Variants in SPEN observed in about 807,000 individuals in gnomAD.
The protein encoded by SPEN is spen family transcriptional repressor.
SPEN carries 18 observed loss-of-function variants against 269.9 expected under a neutral mutation model. That is an observed-to-expected ratio of 0.07 (90% CI 0.05 to 0.10). The LOEUF (loss-of-function observed/expected upper bound fraction) is 0.10. Ranked by LOEUF, SPEN falls within the 10% of genes least tolerant of loss-of-function variation. The probability of loss-of-function intolerance (pLI) is 1.00; values close to 1 mark genes in which losing one functional copy is unlikely to be tolerated. For missense variants in SPEN, 3,822 were observed against 4,631.2 expected, an observed-to-expected ratio of 0.83 and a Z score of 5.07; for synonymous variants, 1,726 against 1,765.7, an observed-to-expected ratio of 0.98 and a Z score of 0.56.
chr1:15,931,670 A>G lies in SPEN; in HGVS notation c.5430A>G (p.Pro1810=), dbSNP rs771512706. 1 of 1,614,224 alleles carries G rather than the reference A, an allele frequency of 6.2e-7. No individual in the cohort carries two copies. The highest frequency in any genetic ancestry group is 1.7e-5 in the Admixed American group (1 of 60,018). The change falls in exon 11 of 15, where the codon CCA becomes CCG. Residue 1810 remains proline (P), a synonymous_variant. Transcript: ENST00000375759. The surrounding 1 kb of genome is among the most constrained non-coding windows in gnomAD (Gnocchi z 4.8). ...CTGAAGATTTAGAGGTTGATCCTCC[A>G]GTTGCTGCAAAGGATAAAAAGCCAA... is the stretch of plus-strand genomic sequence containing the variant. ...PASEDLEVDP[P]VAAKDKKPNK...
chr1:15,910,124 TAAAAAAAAAAAAAAA>T (rs57198076), intron 4 of SPEN, among the ~76,000 whole-genome samples: 7 of 65,688 alleles, frequency 1.1e-4, no homozygotes, highest in African/African-American at 1.7e-4. Flanking sequence ...ACTCTGTCTC[TAAAAAAAAAAAAAAA>T]AAAAAAAAAA....
intron 11 of SPEN, 47 bp downstream of exon 11, chr1:15,936,313 T>C: frequency 6.7e-7 from 1 of 1,498,274 alleles, no homozygotes; most frequent in Non-Finnish European, 8.9e-7. Flanking sequence ...CATGTGCTTG[T>C]GGGGCTCAGC....
chr1:15,880,820 G>C (rs915274726), intron 3 of SPEN, among the ~76,000 whole-genome samples: 1 of 152,136 alleles, frequency 6.6e-6, no homozygotes, highest in African/African-American at 2.4e-5. Context: ...CTGCTGGGAA[G>C]ACCTGATAGG....
At chr1:15,879,819 C>T (rs764535253) in intron 3 of SPEN, among the ~76,000 whole-genome samples, 12 of 152,030 alleles carry the variant, frequency 7.9e-5, no homozygotes, top group African/African-American at 1.9e-4. Context: ...TACAGGCTCC[C>T]GCTACCACGC....
Position 15,876,713 on chromosome 1 carries a change from T to G in SPEN, c.881+35T>G, listed in dbSNP as rs752012446. 5 of 1,477,634 alleles carry G rather than the reference T, an allele frequency of 3.4e-6. No individual in the cohort carries two copies. The Admixed American group carries it at 7.1e-5, about 21-fold the overall frequency. 91.5% of individuals were successfully genotyped at this position (1,477,634 alleles called of 1,614,324 possible). On this transcript the variant is annotated intron_variant, in intron 3 of 14. Coordinates refer to ENST00000375759, the MANE Select transcript of SPEN (RefSeq NM_015001.3). ...CAGCCTTTTGTTATAACAGATGAGC[T>G]AGCTTTAAACAAATTCTCAACAATC...
At chr1:15,879,345 A>G (rs1313754619) in intron 3 of SPEN, among the ~76,000 whole-genome samples, 1 of 152,116 alleles carries the variant, frequency 6.6e-6, no homozygotes, top group Non-Finnish European at 1.5e-5. Context: ...TGATGGGAGT[A>G]TAATGGATCC....
chr1:15,883,751 C>CA (rs1230599073), intron 3 of SPEN, among the ~76,000 whole-genome samples: 2 of 148,308 alleles, frequency 1.3e-5, no homozygotes, highest in African/African-American at 5.0e-5. Context: ...TAAAGTATAT[C>CA]AAAAGTTATC....
At chr1:15,854,153 C>T (rs957541951) in intron 1 of SPEN, among the ~76,000 whole-genome samples, 1 of 152,084 alleles carries the variant, frequency 6.6e-6, no homozygotes, top group Non-Finnish European at 1.5e-5. Flanking sequence ...CTGTAGTTAA[C>T]CATCCACAGT....
At chr1:15,902,056 G>A (rs2070907101) in intron 3 of SPEN, among the ~76,000 whole-genome samples, 1 of 150,222 alleles carries the variant, frequency 6.7e-6, no homozygotes, top group Non-Finnish European at 1.5e-5. Context: ...AGCCTCCCAA[G>A]TAGCTGGGAC....
intron 11 of SPEN, among the ~76,000 whole-genome samples, chr1:15,936,779 G>C (rs1036280146): frequency 6.6e-6 from 1 of 152,132 alleles, no homozygotes; most frequent in African/African-American, 2.4e-5. Flanking sequence ...CCTACTTAAA[G>C]AAAAAGAAAT....
intron 5 of SPEN, among the ~76,000 whole-genome samples, chr1:15,911,919 C>T (rs1373707219): frequency 6.6e-6 from 1 of 152,146 alleles, no homozygotes; most frequent in Non-Finnish European, 1.5e-5. Flanking sequence ...TGAGATTGCA[C>T]CACTGCACTC....
In SPEN at chr1:15,928,636, C is replaced by T. The variant is rs562292461; in HGVS notation, c.2396C>T (p.Pro799Leu). 1.2e-5 allele frequency: 19 copies of T among 1,613,672 alleles called. No homozygotes were observed. Among genetic ancestry groups the T allele is most frequent in the Middle Eastern group, 1.6e-4 (1 of 6,084 alleles). Residue 799 changes from proline (P) to leucine (L), a missense_variant, in exon 11 of 15, where the codon CCG becomes CTG. Pro to Leu is a moderately conservative substitution (Grantham distance 98). Coordinates refer to ENST00000375759, the MANE Select transcript of SPEN (RefSeq NM_015001.3). The surrounding 1 kb of genome is among the most constrained non-coding windows in gnomAD (Gnocchi z 5.7). The part of the protein sequence containing the change: ...EKTDKERTFD[P>L]ERVERERRLI... ...ACAGATAAAGAACGAACTTTTGATCCGGAGAGAGTGGAGAGAGAGAGACGC... is the reference window on the plus strand; with the variant it reads ...ACAGATAAAGAACGAACTTTTGATCTGGAGAGAGTGGAGAGAGAGAGACGC...
intron 3 of SPEN, among the ~76,000 whole-genome samples, chr1:15,894,536 G>GTTTTTTTTT (rs766111268): frequency 3.0e-5 from 3 of 100,380 alleles, no homozygotes; most frequent in African/African-American, 8.4e-5. Flanking sequence ...TATTATGGTT[G>GTTTTTTTTT]TTTTTTTTTT....
intron 1 of SPEN, among the ~76,000 whole-genome samples, chr1:15,860,523 C>T (rs921250644): frequency 6.7e-6 from 1 of 148,924 alleles, no homozygotes; most frequent in Non-Finnish European, 1.5e-5. Flanking sequence ...AACTCCTGGT[C>T]TCAGGATATC....
intron 1 of SPEN, among the ~76,000 whole-genome samples, chr1:15,855,454 T>C (rs921958002): frequency 6.6e-6 from 1 of 152,182 alleles, no homozygotes; most frequent in African/African-American, 2.4e-5. Flanking sequence ...GCTTATGTAC[T>C]CAAAAAACAT....
At chr1:15,875,007 G>A (rs16852052) in intron 2 of SPEN, among the ~76,000 whole-genome samples, 2 of 151,962 alleles carry the variant, frequency 1.3e-5, no homozygotes, top group Admixed American at 1.3e-4. Flanking sequence ...TTCTTCATTG[G>A]AGAGATTCTA....
chr1:15,934,470 G>C lies in SPEN; in HGVS notation c.8230G>C (p.Gly2744Arg). The change falls in exon 11 of 15, where the codon GGT becomes CGT. Residue 2744 changes from glycine (G) to arginine (R), a missense_variant. By Grantham distance (125) the Gly-to-Arg change is moderately radical (BLOSUM62 -2). Coordinates refer to ENST00000375759, the MANE Select transcript of SPEN (RefSeq NM_015001.3). This position sits in a 1 kb window ranked among gnomAD's most constrained non-coding sequence, Gnocchi z 9.2. The stretch of plus-strand genomic sequence containing the variant: ...AGCAAGTGCAGTGACCGTCACAGCG[G>C]GTGCGGTTACTGCTGCATCTGGTGG... ...ATASAVTVTA[G>R]AVTAASGGVT... 6.2e-7 allele frequency: 1 copy of C among 1,614,052 alleles called. No individual in the cohort carries two copies. The highest frequency in any genetic ancestry group is 8.5e-7 in the Non-Finnish European group (1 of 1,180,048).
Position 15,888,638 on chromosome 1 carries a change from C to CT in SPEN, c.881+11971dup, listed in dbSNP as rs1001741385. On this transcript the variant is annotated intron_variant, in intron 3 of 14. Transcript: ENST00000375759. Reference sequence around the variant, plus strand: ...CACACCCAGCCAAAGTATGTAAACTCTTTTTTTTTTTGAGACAGTGTTTTG... The same window carrying CT: ...CACACCCAGCCAAAGTATGTAAACTCTTTTTTTTTTTTGAGACAGTGTTTTG... Among the ~76,000 whole-genome samples the CT allele has an allele frequency of 1.2e-3, 176 of 142,254 alleles. 1 individual carries two copies. In the Middle Eastern group the frequency reaches 0.016, roughly 13 times the overall value. 93.3% of individuals were successfully genotyped at this position (142,254 alleles called of 152,430 possible).
chr1:15,863,929 T>G (rs1454875573), intron 1 of SPEN, among the ~76,000 whole-genome samples: 1 of 152,222 alleles, frequency 6.6e-6, no homozygotes, highest in Non-Finnish European at 1.5e-5. Context: ...CTAATGTCGA[T>G]GACCAATGAA....
Sources: allele counts gnomAD v4.1 joint callset (sites outside exome capture counted in the v4.1 genomes callset), GRCh38; gene constraint gnomAD v4.1.1; non-coding constraint Gnocchi (gnomAD v3.1); transcripts MANE v1.5; gene names NCBI Gene and HGNC (gene_info 2026-07-23, HGNC 2026-07-21).